ANK2: variants seen among roughly 807,000 people sequenced by gnomAD.
ANK2 encodes ankyrin 2.
A neutral mutation model predicts 360.5 loss-of-function variants in ANK2; 83 were observed. The observed-to-expected ratio is 0.23, with a 90% confidence interval of 0.19 to 0.28. The LOEUF (loss-of-function observed/expected upper bound fraction) is 0.28. Among genes scored for constraint, ANK2 ranks in the 10% least tolerant of loss-of-function variants. The pLI is 1.00. For synonymous variants in ANK2, 1,740 were observed against 1,759.5 expected (o/e 0.99, Z 0.28); for missense variants, 4,201 against 4,795.7 (o/e 0.88, Z 3.66).
upstream of ANK2, among the ~76,000 whole-genome samples, chr4:112,813,067 G>T (rs1469002530): frequency 2.0e-5 from 3 of 151,946 alleles, 1 homozygote; most frequent in East Asian, 5.8e-4. Flanking sequence ...GTGAAACCAT[G>T]TCTCTACTAA....
chr4:112,728,647 A>C, the ANK2 span, among the ~76,000 whole-genome samples: 1 of 151,894 alleles, frequency 6.6e-6, no homozygotes, highest in South Asian at 2.1e-4. Flanking sequence ...AGCTACTCTG[A>C]AGGTTGAGGT....
chr4:113,176,212 T>A (rs2098192408), intron 2 of ANK2, among the ~76,000 whole-genome samples: 1 of 152,216 alleles, frequency 6.6e-6, no homozygotes, highest in African/African-American at 2.4e-5. Flanking sequence ...AGGCTGACAC[T>A]TGGCTACTGC....
chr4:113,369,467 G>A (rs1364999942), intron 42 of ANK2, 47 bp from the exon 43 acceptor site: 1 of 1,600,210 alleles, frequency 6.2e-7, no homozygotes, highest in Non-Finnish European at 8.5e-7. Flanking sequence ...TGAGCAGGAG[G>A]TGAAATGCAA....
At chr4:112,789,305 T>A in the ANK2 span, among the ~76,000 whole-genome samples, 47,626 of 151,968 alleles carry the variant, frequency 0.31, 7,616 homozygotes, top group East Asian at 0.35. Flanking sequence ...GAAATAAAGG[T>A]AGCTGGGAGA....
intron 4 of ANK2, among the ~76,000 whole-genome samples, chr4:113,228,808 G>A (rs1401406911): frequency 6.6e-6 from 1 of 152,082 alleles, no homozygotes; most frequent in African/African-American, 2.4e-5. Context: ...AAAGAGGCCC[G>A]CTTGCAATAT....
chr4:113,244,583 C>A (rs911366119), intron 9 of ANK2, among the ~76,000 whole-genome samples: 1 of 152,100 alleles, frequency 6.6e-6, no homozygotes, highest in Non-Finnish European at 1.5e-5. Flanking sequence ...CAGCACACCC[C>A]AGGATTAGCT....
chr4:112,903,399 A>G (rs1418663845), intron 1 of ANK2, among the ~76,000 whole-genome samples: 2 of 152,232 alleles, frequency 1.3e-5, no homozygotes, highest in African/African-American at 2.4e-5. Flanking sequence ...ACCCTTAGTG[A>G]TTCTGCTATA....
intron 14 of ANK2, among the ~76,000 whole-genome samples, chr4:113,271,867 C>T (rs2058665397): frequency 6.6e-6 from 1 of 152,194 alleles, no homozygotes; most frequent in African/African-American, 2.4e-5. Flanking sequence ...TGTGTTTGCA[C>T]CCAGGTCCTG....
At chr4:113,071,142 A>G (rs2077406327) in intron 1 of ANK2, among the ~76,000 whole-genome samples, 1 of 152,208 alleles carries the variant, frequency 6.6e-6, no homozygotes, top group South Asian at 2.1e-4. Context: ...CTTCTAATAT[A>G]GACTGCACAT....
intron 2 of ANK2, among the ~76,000 whole-genome samples, chr4:113,039,965 C>T (rs1358683408): frequency 1.3e-5 from 2 of 151,864 alleles, no homozygotes; most frequent in Admixed American, 6.6e-5. Context: ...AAAAAATTTG[C>T]GATAACTTAT....
chr4:113,342,750 G>A (rs890655749), intron 33 of ANK2, among the ~76,000 whole-genome samples: 9 of 152,008 alleles, frequency 5.9e-5, no homozygotes, highest in Non-Finnish European at 1.3e-4. Flanking sequence ...GGATTTAAAT[G>A]TATTTTGGGG....
intron 26 of ANK2, among the ~76,000 whole-genome samples, chr4:113,323,295 T>A (rs1358018499): frequency 6.6e-6 from 1 of 152,198 alleles, no homozygotes; most frequent in East Asian, 1.9e-4. Flanking sequence ...CTACTGTTTG[T>A]TGTTGATCTA....
chr4:112,780,289 C>G, the ANK2 span, among the ~76,000 whole-genome samples: 1 of 152,036 alleles, frequency 6.6e-6, no homozygotes, highest in Non-Finnish European at 1.5e-5. Flanking sequence ...CATCTCCAGT[C>G]AAGGGCAATG....
chr4:113,371,147 G>A (rs924181845), intron 43 of ANK2, among the ~76,000 whole-genome samples: 2 of 152,068 alleles, frequency 1.3e-5, no homozygotes, highest in African/African-American at 2.4e-5. Context: ...AAATTTTGGG[G>A]GGCAAATAAA....
chr4:112,927,298 T>C (rs1045760471), intron 2 of ANK2, among the ~76,000 whole-genome samples: 1 of 152,242 alleles, frequency 6.6e-6, no homozygotes, highest in Admixed American at 6.5e-5. Flanking sequence ...CCTTTACTTA[T>C]ATCATCTTAT....
At position 113,357,181 on chromosome 4, in the gene ANK2, G is replaced by C; in HGVS notation, c.8563G>C (p.Val2855Leu). 6.2e-7 allele frequency: 1 copy of C among 1,614,074 alleles called. No individual in the cohort carries two copies. Among genetic ancestry groups the C allele is most frequent in the Non-Finnish European group, 8.5e-7 (1 of 1,179,986 alleles). The change falls in exon 38 of 46, where the codon GTA (valine) becomes CTA (leucine). Residue 2855 changes from valine to leucine, a missense_variant. By Grantham distance (32) the Val-to-Leu change is conservative. This residue lies in a region of ANK2 where 2,642 missense variants were observed against 2,714.5 expected (regional missense o/e 0.97). Transcript: ENST00000357077. ...TTCATCCTCTTTGCCTCATTGTTTG[G>C]TATCTGAAGGAAAAGAATTAGATGA... The part of the protein sequence containing the change: ...SSSSSLPHCL[V>L]SEGKELDEDI...
intron 2 of ANK2, among the ~76,000 whole-genome samples, chr4:113,188,592 A>G (rs1186036811): frequency 2.0e-5 from 3 of 152,224 alleles, no homozygotes; most frequent in Non-Finnish European, 4.4e-5. Flanking sequence ...AGAACAAAAA[A>G]TTACTAAATG....
the ANK2 span, among the ~76,000 whole-genome samples, chr4:112,754,516 T>TGG: frequency 2.6e-4 from 19 of 72,622 alleles, no homozygotes; most frequent in East Asian, 4.4e-3. Flanking sequence ...GTTTTTTTTT[T>TGG]TGGGGGGGCG....
At chr4:113,151,341 A>T in intron 1 of ANK2, 1 of 338,366 alleles carries the variant, frequency 3.0e-6, no homozygotes, top group Non-Finnish European at 5.4e-6. Flanking sequence ...TGCAAGCTGT[A>T]CAAGAAGCAT....
Sources: gnomAD v4.1 joint callset for allele counts (sites outside exome capture counted in the v4.1 genomes callset) on GRCh38, gnomAD v4.1.1 for gene constraint, gnomAD v4.1.1 regional missense constraint, MANE v1.5 for transcripts, NCBI Gene and HGNC (gene_info 2026-07-23, HGNC 2026-07-21) for gene names.